B3GALT1: variants seen among roughly 807,000 people sequenced by gnomAD.
The protein encoded by B3GALT1 is beta-1,3-galactosyltransferase 1.
A neutral mutation model predicts 23.2 loss-of-function variants in B3GALT1; 10 were observed. The ratio of observed to expected loss-of-function variants is 0.43; its 90% CI spans 0.27 to 0.73. The LOEUF (loss-of-function observed/expected upper bound fraction) is 0.73, where lower values mean the gene tolerates loss of function less well. B3GALT1 is among the 30% of genes least tolerant of loss of function. The probability of loss-of-function intolerance (pLI) is 0.21; values close to 1 mark genes in which losing one functional copy is unlikely to be tolerated. For missense variants in B3GALT1, 299 were observed against 405.4 expected, an observed-to-expected ratio of 0.74 and a Z score of 2.25; for synonymous variants, 156 against 141.5, an observed-to-expected ratio of 1.10 and a Z score of -0.73.
At chr2:167,696,721 G>A (rs568480669) in intron 3 of B3GALT1, among the ~76,000 whole-genome samples, 5 of 152,242 alleles carry the variant, frequency 3.3e-5, no homozygotes, top group South Asian at 4.1e-4. Context: ...AGACAAGAAC[G>A]CATCATGATG....
chr2:167,762,818 C>G (rs981320694), intron 3 of B3GALT1, among the ~76,000 whole-genome samples: 1 of 152,094 alleles, frequency 6.6e-6, no homozygotes, highest in Non-Finnish European at 1.5e-5. Flanking sequence ...ATTTAGCTAA[C>G]TTAAGGTTGA....
chr2:167,459,527 A>G (rs1223396655), intron 1 of B3GALT1, among the ~76,000 whole-genome samples: 1 of 152,186 alleles, frequency 6.6e-6, no homozygotes, highest in Non-Finnish European at 1.5e-5. Context: ...GTAGAAAACA[A>G]AATGTGGAGT....
intron 3 of B3GALT1, among the ~76,000 whole-genome samples, chr2:167,661,851 G>A (rs1410260459): frequency 6.6e-6 from 1 of 152,022 alleles, no homozygotes; most frequent in African/African-American, 2.4e-5. Flanking sequence ...ATGCTTTCAG[G>A]TTCCGGACTC....
At chr2:167,525,944 A>G (rs1683212151) in intron 2 of B3GALT1, among the ~76,000 whole-genome samples, 1 of 151,852 alleles carries the variant, frequency 6.6e-6, no homozygotes, top group Admixed American at 6.6e-5. Flanking sequence ...GTTGTTGCCT[A>G]TGTCCTTTTG....
chr2:167,839,478 G>A (rs1311042395), intron 4 of B3GALT1, among the ~76,000 whole-genome samples: 1 of 152,234 alleles, frequency 6.6e-6, no homozygotes, highest in African/African-American at 2.4e-5. Flanking sequence ...CAAGGGATGT[G>A]AAGGACCTCT....
chr2:167,444,283 G>A (rs1698945672), intron 1 of B3GALT1, among the ~76,000 whole-genome samples: 1 of 152,136 alleles, frequency 6.6e-6, no homozygotes, highest in South Asian at 2.1e-4. Flanking sequence ...ATTTTATTGA[G>A]GATTTTTGCA....
At chr2:167,710,083 T>C (rs1687025890) in intron 3 of B3GALT1, among the ~76,000 whole-genome samples, 1 of 152,212 alleles carries the variant, frequency 6.6e-6, no homozygotes, top group Non-Finnish European at 1.5e-5. Flanking sequence ...ATTCTAACTG[T>C]GGTTTATTTA....
At chr2:167,475,468 G>T (rs1490363984) in intron 1 of B3GALT1, among the ~76,000 whole-genome samples, 2 of 151,990 alleles carry the variant, frequency 1.3e-5, no homozygotes, top group African/African-American at 4.8e-5. Context: ...CCTAAGAGAA[G>T]AAATTTTTTT....
At chr2:167,703,929 C>T (rs1048128361) in intron 3 of B3GALT1, among the ~76,000 whole-genome samples, 1 of 152,078 alleles carries the variant, frequency 6.6e-6, no homozygotes, top group Non-Finnish European at 1.5e-5. Flanking sequence ...CACCTGTAAT[C>T]CCAGCACTTT....
intron 3 of B3GALT1, among the ~76,000 whole-genome samples, chr2:167,752,353 G>A (rs564733205): frequency 6.6e-6 from 1 of 152,224 alleles, no homozygotes; most frequent in African/African-American, 2.4e-5. Context: ...AGGAATTGCA[G>A]TGTACTTACA....
chr2:167,465,575 T>G lies in B3GALT1; in HGVS notation c.-510-24602T>G, dbSNP rs570512364. The stretch of plus-strand genomic sequence containing the variant: ...TTAATAAGGTTATAATTTCCACGCA[T>G]GAGGACTCCACCCTCATGACTTAAT... On this transcript the variant is annotated intron_variant, in intron 1 of 4. Transcript: ENST00000392690. Among the ~76,000 whole-genome samples, 6 of 152,300 alleles carry G rather than the reference T, an allele frequency of 3.9e-5. No individual in the cohort carries two copies. The South Asian group carries it at 1.2e-3, about 32-fold the overall frequency.
intron 3 of B3GALT1, among the ~76,000 whole-genome samples, chr2:167,694,640 T>C (rs1448651801): frequency 6.6e-6 from 1 of 152,128 alleles, no homozygotes; most frequent in African/African-American, 2.4e-5. Context: ...CACAAGCCAC[T>C]AAGATAACAA....
intron 2 of B3GALT1, among the ~76,000 whole-genome samples, chr2:167,507,039 G>A (rs942947862): frequency 1.3e-5 from 2 of 152,126 alleles, no homozygotes; most frequent in Admixed American, 1.3e-4. Flanking sequence ...CATGATTATA[G>A]TGTGTTTTGT....
At chr2:167,795,632 T>A (rs935528420) in intron 3 of B3GALT1, among the ~76,000 whole-genome samples, 6 of 152,156 alleles carry the variant, frequency 3.9e-5, no homozygotes, top group Non-Finnish European at 1.5e-5. Flanking sequence ...CTTCACTCAT[T>A]TCTGTGCTAA....
intron 2 of B3GALT1, among the ~76,000 whole-genome samples, chr2:167,617,753 T>C (rs770911728): frequency 1.6e-4 from 24 of 152,026 alleles, no homozygotes; most frequent in Non-Finnish European, 2.9e-4. Flanking sequence ...ATTCACTTAA[T>C]TAATTAATGA....
intron 4 of B3GALT1, among the ~76,000 whole-genome samples, chr2:167,846,363 C>T (rs1365589509): frequency 6.6e-6 from 1 of 152,120 alleles, no homozygotes; most frequent in Non-Finnish European, 1.5e-5. Context: ...CACCAGGTAA[C>T]CTATAAAGGA....
intron 2 of B3GALT1, 43 bp downstream of exon 2, chr2:167,490,320 T>C (rs1699691325): frequency 6.6e-6 from 1 of 152,248 alleles, no homozygotes; most frequent in Non-Finnish European, 1.5e-5. Context: ...TCTGAATATT[T>C]ACAAAACTGT....
At chr2:167,477,237 T>C (rs1443147114) in intron 1 of B3GALT1, among the ~76,000 whole-genome samples, 2 of 152,182 alleles carry the variant, frequency 1.3e-5, no homozygotes, top group Non-Finnish European at 2.9e-5. Context: ...GACATAAAGA[T>C]GTTAAAAAGC....
intron 2 of B3GALT1, among the ~76,000 whole-genome samples, chr2:167,495,685 G>T (rs1225384181): frequency 2.6e-5 from 4 of 152,004 alleles, no homozygotes; most frequent in African/African-American, 9.7e-5. Flanking sequence ...CTTCCCCAGA[G>T]TCCCAGATCT....
Sources: gnomAD v4.1 joint callset for allele counts (sites outside exome capture counted in the v4.1 genomes callset) on GRCh38, gnomAD v4.1.1 for gene constraint, MANE v1.5 for transcripts, NCBI Gene and HGNC (gene_info 2026-07-23, HGNC 2026-07-21) for gene names.